CCNH: variants seen among roughly 807,000 people sequenced by gnomAD.
CCNH encodes the protein cyclin-H.
A neutral mutation model predicts 41.9 loss-of-function variants in CCNH; 31 were observed. The ratio of observed to expected loss-of-function variants is 0.74; its 90% CI spans 0.56 to 1.00. The LOEUF is 1.00. Among genes scored for constraint, CCNH ranks in the 50% least tolerant of loss-of-function variants. The pLI is 0.00. For missense variants in CCNH, 362 were observed against 388.4 expected, an observed-to-expected ratio of 0.93 and a Z score of 0.57; for synonymous variants, 138 against 136.1, an observed-to-expected ratio of 1.01 and a Z score of -0.10.
In CCNH at chr5:87,412,467, C is replaced by T. The variant is rs1393301199; in HGVS notation, c.117+211G>A. On this transcript the variant is annotated intron_variant, in intron 1 of 8. Transcript: ENST00000256897. Reference sequence around the variant, plus strand: ...TTCACTACGTTACAAAGACTGGTTACTTGTCTGCCATTCGACGACGGGGAT... The same window carrying T: ...TTCACTACGTTACAAAGACTGGTTATTTGTCTGCCATTCGACGACGGGGAT... 19 of 1,412,702 alleles carry T rather than the reference C, an allele frequency of 1.3e-5. No individual in the cohort carries two copies. In the East Asian group the frequency reaches 4.2e-4, roughly 31 times the overall value. The allele number at this position is 1,412,702 out of a possible 1,614,324, so 87.5% of individuals were successfully genotyped here.
At chr5:87,326,628 C>T (rs1175589647) in intron 9 of CCNH, among the ~76,000 whole-genome samples, 1 of 152,082 alleles carries the variant, frequency 6.6e-6, no homozygotes, top group Non-Finnish European at 1.5e-5. Context: ...TTACATTAAG[C>T]AGTTTTAAGT....
intron 9 of CCNH, among the ~76,000 whole-genome samples, chr5:87,329,938 C>G (rs955150002): frequency 1.3e-5 from 2 of 152,052 alleles, no homozygotes; most frequent in African/African-American, 2.4e-5. Flanking sequence ...TTAAAAAGTC[C>G]CTGAGCTCTT....
downstream of CCNH, chr5:87,393,314 T>A (rs1235082127): frequency 6.6e-6 from 1 of 152,144 alleles, no homozygotes; most frequent in Non-Finnish European, 1.5e-5. Context: ...CTGAAAAAAA[T>A]CTGGCTTGGT....
chr5:87,344,892 C>G (rs1356202140), intron 9 of CCNH, among the ~76,000 whole-genome samples: 2 of 152,060 alleles, frequency 1.3e-5, no homozygotes, highest in South Asian at 4.1e-4. Flanking sequence ...TCATTCATCA[C>G]TTCCCCCTAG....
intron 2 of CCNH, among the ~76,000 whole-genome samples, chr5:87,410,198 A>T (rs1764122402): frequency 1.3e-5 from 2 of 152,322 alleles, no homozygotes; most frequent in Middle Eastern, 3.4e-3. Flanking sequence ...TCATTATGTA[A>T]AACAAAAAAT....
Position 87,408,004 on chromosome 5 carries a change from G to T in CCNH, c.497C>A (p.Pro166Gln). ...TAAGTCGATGAGGAAGCCCTCAAAT[G>T]GTCTGTAAGGATTGTGGACAATAAG... ...FHLIVHNPYRPFEGFLIDLKT... is the reference protein window; with the variant it reads ...FHLIVHNPYRQFEGFLIDLKT... Residue 166 changes from proline (P) to glutamine (Q), a missense_variant, in exon 4 of 9, where the codon CCA becomes CAA. Coordinates refer to ENST00000256897, the MANE Select transcript of CCNH (RefSeq NM_001239.4). 1.2e-6 allele frequency: 2 copies of T among 1,612,896 alleles called. No individual in the cohort carries two copies. The highest frequency in any genetic ancestry group is 1.7e-6 in the Non-Finnish European group (2 of 1,178,910).
chr5:87,394,924 A>C, intron 8 of CCNH, 120 bp downstream of exon 8: 12 of 1,545,808 alleles, frequency 7.8e-6, no homozygotes, highest in Non-Finnish European at 1.0e-5. Context: ...AGTATGCAAA[A>C]AATGAAAAAA....
chr5:87,349,211 C>T (rs1580325598), intron 9 of CCNH: 2 of 1,611,326 alleles, frequency 1.2e-6, no homozygotes, highest in Non-Finnish European at 1.7e-6. Context: ...TTAATTCTTA[C>T]AGTTGGTCAA....
chr5:87,367,038 A>G (rs1760576712), intron 9 of CCNH, among the ~76,000 whole-genome samples: 1 of 152,238 alleles, frequency 6.6e-6, no homozygotes, highest in South Asian at 2.1e-4. Flanking sequence ...CTCAAACAAA[A>G]CTAAACCAAA....
intron 9 of CCNH, among the ~76,000 whole-genome samples, chr5:87,338,532 TAAAA>T (rs1452805439): frequency 0.037 from 2,223 of 59,612 alleles, 173 homozygotes; most frequent in African/African-American, 0.095. Flanking sequence ...TATATATATA[TAAAA>T]TTTTTTTTTT....
At chr5:87,340,532 T>G (rs1758357320) in intron 9 of CCNH, among the ~76,000 whole-genome samples, 1 of 152,098 alleles carries the variant, frequency 6.6e-6, no homozygotes, top group Non-Finnish European at 1.5e-5. Flanking sequence ...TAAATCCACA[T>G]GTAGTTAGAC....
intron 9 of CCNH, among the ~76,000 whole-genome samples, chr5:87,350,588 G>A (rs1759191165): frequency 6.6e-6 from 1 of 151,158 alleles, no homozygotes; most frequent in Non-Finnish European, 1.5e-5. Context: ...CTACATACTG[G>A]AGGAAGTCGG....
exon 1 of CCNH, chr5:87,377,104 T>C (rs1042086003): frequency 1.3e-5 from 20 of 1,507,800 alleles, no homozygotes; most frequent in Non-Finnish European, 1.7e-5. Flanking sequence ...CAAGGATATA[T>C]GGACTCTATC....
intron 9 of CCNH, among the ~76,000 whole-genome samples, chr5:87,352,791 T>C (rs1352761466): frequency 6.6e-6 from 1 of 151,900 alleles, no homozygotes; most frequent in Non-Finnish European, 1.5e-5. Context: ...GCCATGTTTC[T>C]GTGAATTCTT....
chr5:87,353,079 C>A, intron 9 of CCNH: 1 of 1,166,016 alleles, frequency 8.6e-7, no homozygotes, highest in Non-Finnish European at 1.3e-6. Context: ...TAATCCTTGG[C>A]AAGAAAGTTT....
rs368014617 is a variant in CCNH, at chr5:87,385,270, G to T, written c.*90+7500C>A. 75 of 1,389,030 alleles carry T rather than the reference G, an allele frequency of 5.4e-5. No homozygotes were observed. The African/African-American group carries it at 9.1e-4, about 17-fold the overall frequency. The allele number at this position is 1,389,030 out of a possible 1,614,324, so 86.0% of individuals were successfully genotyped here. A position where few individuals can be genotyped will look rare whatever the true frequency, so the allele number is the denominator to read the frequency against. Reference sequence around the variant, plus strand: ...TTAGCTGGAAGTGCTGTTGGACTTGGTGTCATTAGCTGTGCCCAATTCTGT... The same window carrying T: ...TTAGCTGGAAGTGCTGTTGGACTTGTTGTCATTAGCTGTGCCCAATTCTGT... On this transcript the variant is annotated intron_variant and NMD_transcript_variant, in intron 9 of 9. Coordinates refer to the CCNH transcript ENST00000645953.
chr5:87,403,612 C>G (rs1763576712), intron 5 of CCNH, among the ~76,000 whole-genome samples: 1 of 151,968 alleles, frequency 6.6e-6, no homozygotes, highest in Non-Finnish European at 1.5e-5. Flanking sequence ...AACCCCAACT[C>G]TACAAAAAAA....
chr5:87,385,442 G>C (rs898166421), intron 9 of CCNH: 7 of 1,333,892 alleles, frequency 5.2e-6, no homozygotes, highest in Non-Finnish European at 7.5e-6. Context: ...AGTTTGACAT[G>C]ATAAAACCAT....
Position 87,358,729 on chromosome 5 carries a change from CATTA to C in CCNH, c.*90+34037_*90+34040del, listed in dbSNP as rs1759844252. Among the ~76,000 whole-genome samples, 4 of 152,292 alleles carry C rather than the reference CATTA, an allele frequency of 2.6e-5. No homozygotes were observed. The South Asian group carries it at 8.3e-4, about 32-fold the overall frequency. On this transcript the variant is annotated intron_variant and NMD_transcript_variant, in intron 9 of 9. Coordinates refer to the CCNH transcript ENST00000645953. ...CATACAAGACCCAACAGTGGCAGTC[CATTA>C]ATTTTCTGAACTCGTCTCTTCCTAC...
Sources: allele counts gnomAD v4.1 joint callset (sites outside exome capture counted in the v4.1 genomes callset), GRCh38; gene constraint gnomAD v4.1.1; transcripts MANE v1.5; gene names NCBI Gene and HGNC (gene_info 2026-07-23, HGNC 2026-07-21).